RPA3: variants seen among roughly 807,000 people sequenced by gnomAD.
The protein encoded by RPA3 is replication protein A 14 kDa subunit.
A neutral mutation model predicts 13.7 loss-of-function variants in RPA3; 24 were observed. That is an observed-to-expected ratio of 1.75 (90% CI 1.27 to 2.46). The LOEUF is 2.46. Ranked by LOEUF, RPA3 falls within the 30% of genes most tolerant of loss-of-function variation. The probability of loss-of-function intolerance (pLI) is 0.00; values close to 1 mark genes in which losing one functional copy is unlikely to be tolerated. For synonymous variants in RPA3, 59 were observed against 51.2 expected (o/e 1.15, Z -0.65); for missense variants, 183 against 151.0 (o/e 1.21, Z -1.11).
chr7:7,672,874 T>C (rs1434647245), intron 4 of RPA3, among the ~76,000 whole-genome samples: 4 of 152,218 alleles, frequency 2.6e-5, no homozygotes, highest in Non-Finnish European at 5.9e-5. Context: ...TGATGTGTTT[T>C]CTTTTCTCCA....
rs549751968 is a variant in RPA3 at position 7,643,557 on chromosome 7, A to C, written c.-757-2382T>G. 2.6e-5 allele frequency among the ~76,000 whole-genome samples: 4 copies of C among 152,290 alleles called. No individual in the cohort carries two copies. In the East Asian group the frequency reaches 5.8e-4, roughly 22 times the overall value. On this transcript the variant is annotated intron_variant, in intron 4 of 7. Coordinates refer to ENST00000223129, the MANE Select transcript of RPA3 (RefSeq NM_002947.5). Reference sequence around the variant, plus strand: ...GAAACCCTGTCTCTACTAAATATACAAAAAAGTATCCAGGCGCGATGGCGG... The same window carrying C: ...GAAACCCTGTCTCTACTAAATATACCAAAAAGTATCCAGGCGCGATGGCGG...
chr7:7,640,761 C>G lies in RPA3; in HGVS notation c.-343G>C. On this transcript the variant is annotated 5_prime_UTR_variant, in exon 5 of 8. Transcript: ENST00000223129. ...CAGGATTCCCGGCGGTGACTTGACC[C>G]CGGAAGTGGGGTGTGAAGCTCCGGT... The G allele has an allele frequency of 4.0e-6, 1 of 248,760 alleles. No individual in the cohort carries two copies. The highest frequency in any genetic ancestry group is 8.0e-6 in the Non-Finnish European group (1 of 125,704). 15.4% of individuals were successfully genotyped at this position (248,760 alleles called of 1,614,324 possible).
At chr7:7,704,078 A>G (rs1780533621) in intron 2 of RPA3, among the ~76,000 whole-genome samples, 1 of 152,204 alleles carries the variant, frequency 6.6e-6, no homozygotes, top group Non-Finnish European at 1.5e-5. Flanking sequence ...TCCTTTTCCA[A>G]CTAAGTATCT....
rs55965313 is a variant in RPA3 at position 7,640,316 on chromosome 7, A to G, written c.99+4T>C. On this transcript the variant is annotated splice_donor_region_variant and intron_variant, in intron 5 of 7. Coordinates refer to ENST00000223129, the MANE Select transcript of RPA3 (RefSeq NM_002947.5). ...TGGGAGCCCATGATTGCGAACCCGC[A>G]CACCTTTTCCAGCCTCCCTACGAAG... 953 of 1,613,810 alleles carry G rather than the reference A, an allele frequency of 5.9e-4. 2 individuals are homozygous for G. The African/African-American group carries it at 0.011, about 19-fold the overall frequency.
intron 2 of RPA3, among the ~76,000 whole-genome samples, chr7:7,694,254 T>C (rs978674721): frequency 3.9e-5 from 6 of 152,184 alleles, no homozygotes; most frequent in African/African-American, 1.2e-4. Context: ...TTTATGAGTA[T>C]ATAGTAGGTA....
At chr7:7,703,125 T>A (rs75909932) in intron 2 of RPA3, among the ~76,000 whole-genome samples, 1,589 of 152,306 alleles carry the variant, frequency 0.01, 20 homozygotes, top group African/African-American at 0.035. Context: ...TTCATATAAT[T>A]GAATACAGCT....
At chr7:7,648,993 A>G (rs545463663) in intron 4 of RPA3, among the ~76,000 whole-genome samples, 151 of 152,180 alleles carry the variant, frequency 9.9e-4, no homozygotes, top group Non-Finnish European at 1.7e-3. Context: ...CCCTGTCTCT[A>G]CTAAAAGTAC....
intron 4 of RPA3, among the ~76,000 whole-genome samples, chr7:7,659,995 G>A (rs1181870285): frequency 1.3e-5 from 2 of 152,016 alleles, no homozygotes; most frequent in African/African-American, 4.8e-5. Context: ...CTGTATTGGA[G>A]GCATATATAT....
chr7:7,699,494 C>CTG (rs147770298), intron 2 of RPA3, among the ~76,000 whole-genome samples: 3,964 of 152,188 alleles, frequency 0.026, 175 homozygotes, highest in African/African-American at 0.092. Context: ...TGGCACCAGA[C>CTG]TGAACTAAAC....
intron 4 of RPA3, among the ~76,000 whole-genome samples, chr7:7,660,432 G>T (rs923404077): frequency 8.5e-5 from 13 of 152,172 alleles, no homozygotes; most frequent in African/African-American, 3.1e-4. Flanking sequence ...TTTTGCAGTG[G>T]CTGGTACCTG....
chr7:7,638,873 C>G (rs1339155857), intron 6 of RPA3, 197 bp downstream of exon 6: 2 of 403,254 alleles, frequency 5.0e-6, no homozygotes, highest in Non-Finnish European at 8.8e-6. Context: ...ATCATGACGC[C>G]CAAAAAATCA....
chr7:7,691,313 A>G (rs1248516816), intron 2 of RPA3, among the ~76,000 whole-genome samples: 1 of 152,242 alleles, frequency 6.6e-6, no homozygotes, highest in Non-Finnish European at 1.5e-5. Context: ...ATCTACTTTT[A>G]TAACTGTTCT....
At chr7:7,644,931 C>G (rs895567746) in intron 4 of RPA3, among the ~76,000 whole-genome samples, 2 of 152,196 alleles carry the variant, frequency 1.3e-5, no homozygotes, top group Admixed American at 6.5e-5. Context: ...AATGTCAACT[C>G]TTACTATCCT....
At chr7:7,666,362 C>G (rs889320314) in intron 4 of RPA3, among the ~76,000 whole-genome samples, 2 of 152,024 alleles carry the variant, frequency 1.3e-5, no homozygotes, top group African/African-American at 4.8e-5. Flanking sequence ...CGCCACCACA[C>G]CTGGCTGATT....
intron 2 of RPA3, among the ~76,000 whole-genome samples, chr7:7,694,989 T>C (rs555002945): frequency 6.6e-6 from 1 of 152,346 alleles, no homozygotes; most frequent in African/African-American, 2.4e-5. Flanking sequence ...GTTGTACTAA[T>C]TTACATTCCC....
chr7:7,651,173 T>C (rs187548868), intron 4 of RPA3, among the ~76,000 whole-genome samples: 6 of 152,320 alleles, frequency 3.9e-5, no homozygotes, highest in African/African-American at 1.4e-4. Context: ...TAAAAATATA[T>C]GGCTAAATCA....
rs539362068 is a variant in RPA3 at position 7,672,208 on chromosome 7, TA to T, written c.-758+13621del. ...CAGGATTATTCTTTGCTTTCTCTTT[TA>T]TTTTTTTGGCTTGTAAGGAACTGTC... On this transcript the variant is annotated intron_variant, in intron 4 of 7. Transcript: ENST00000223129. Among the ~76,000 whole-genome samples the T allele has an allele frequency of 5.9e-5, 9 of 152,332 alleles. No homozygotes were observed. In the East Asian group the frequency reaches 1.5e-3, roughly 26 times the overall value.
intron 1 of RPA3, among the ~76,000 whole-genome samples, chr7:7,716,654 G>C (rs1043084069): frequency 1.3e-5 from 2 of 152,216 alleles, no homozygotes; most frequent in Non-Finnish European, 2.9e-5. Flanking sequence ...GATTAGGGTG[G>C]AGGCCGGCGC....
intron 2 of RPA3, among the ~76,000 whole-genome samples, chr7:7,701,847 G>A (rs1780472084): frequency 6.6e-6 from 1 of 152,108 alleles, no homozygotes; most frequent in African/African-American, 2.4e-5. Context: ...ATGCCTGGGT[G>A]TATTTGCTTT....
Sources: allele counts gnomAD v4.1 joint callset (sites outside exome capture counted in the v4.1 genomes callset), GRCh38; gene constraint gnomAD v4.1.1; transcripts MANE v1.5; gene names NCBI Gene and HGNC (gene_info 2026-07-23, HGNC 2026-07-21).